Variants in GLB1 observed in about 807,000 individuals in gnomAD.
GLB1 encodes galactosidase beta 1.
A neutral mutation model predicts 74.0 loss-of-function variants in GLB1; 56 were observed. The observed-to-expected ratio is 0.76, with a 90% CI of 0.61 to 0.94. GLB1 has a LOEUF of 0.94. Ranked by LOEUF, GLB1 falls within the 40% of genes least tolerant of loss-of-function variation. GLB1 has a pLI of 0.00. For missense variants in GLB1, 787 were observed against 845.5 expected (o/e 0.93, Z 0.86); for synonymous variants, 323 against 323.6 (o/e 1.00, Z 0.02).
intron 10 of GLB1, chr3:33,033,954 G>T: frequency 1.8e-6 from 1 of 554,446 alleles, no homozygotes; most frequent in Non-Finnish European, 3.6e-6. Context: ...CTGGCAACCT[G>T]CTCATCAGAA....
intron 9 of GLB1, among the ~76,000 whole-genome samples, chr3:33,047,657 A>G (rs1698796479): frequency 6.6e-6 from 1 of 152,212 alleles, no homozygotes; most frequent in South Asian, 2.1e-4. Context: ...GATTAGTAAT[A>G]AATTCCTTGG....
At chr3:33,007,082 C>T (rs1209577920) in intron 15 of GLB1, among the ~76,000 whole-genome samples, 1 of 152,170 alleles carries the variant, frequency 6.6e-6, no homozygotes, top group African/African-American at 2.4e-5. Flanking sequence ...GGACTGTCCC[C>T]AGCAGCAGGG....
rs987707141 is a variant in GLB1, at chr3:33,097,020, G to A, written c.66C>T (p.Arg22=). The A allele has an allele frequency of 3.7e-6, 6 of 1,612,116 alleles. No individual in the cohort carries two copies. The highest frequency in any genetic ancestry group is 5.1e-6 in the Non-Finnish European group (6 of 1,178,964). Residue 22 remains arginine, a synonymous_variant, in exon 1 of 16, where the codon CGC becomes CGT. Coordinates refer to ENST00000307363, the MANE Select transcript of GLB1 (RefSeq NM_000404.4). ...LLVLLLLGPT[R]GLRNATQRMF... is the part of the protein sequence containing the mutation. ...GGTCCCGCAGACTTACGCGCAAGCC[G>A]CGCGTAGGGCCCAGAAGCAGCAGAA...
At chr3:33,025,261 T>A (rs919237821) in intron 10 of GLB1, among the ~76,000 whole-genome samples, 4 of 152,236 alleles carry the variant, frequency 2.6e-5, no homozygotes, top group South Asian at 2.1e-4. Context: ...CCTCTTTTTT[T>A]AAACTACTTT....
intron 1 of GLB1, chr3:33,077,346 G>A: frequency 2.0e-6 from 3 of 1,487,626 alleles, no homozygotes; most frequent in Non-Finnish European, 1.8e-6. Context: ...AAAGCCTGTT[G>A]TGAACGATAG....
At chr3:33,030,875 T>C in intron 10 of GLB1, 1 of 953,078 alleles carries the variant, frequency 1.0e-6, no homozygotes, top group Non-Finnish European at 1.2e-6. Flanking sequence ...CATACAAAAA[T>C]AAACTCACCA....
chr3:33,033,695 C>T (rs1407662079), intron 10 of GLB1, among the ~76,000 whole-genome samples: 1 of 150,778 alleles, frequency 6.6e-6, no homozygotes, highest in Non-Finnish European at 1.5e-5. Context: ...GCAGGAGAAT[C>T]GCTTGAACCT....
At chr3:33,059,119 A>C (rs1699340347) in intron 5 of GLB1, among the ~76,000 whole-genome samples, 1 of 152,232 alleles carries the variant, frequency 6.6e-6, no homozygotes, top group Non-Finnish European at 1.5e-5. Flanking sequence ...GCAACATGGC[A>C]ATAGTGCTGA....
rs570806405 is a variant in GLB1 at position 33,051,681 on chromosome 3, T to C, written c.955+77A>G. On this transcript the variant is annotated intron_variant, in intron 9 of 15. Coordinates refer to ENST00000307363, the MANE Select transcript of GLB1 (RefSeq NM_000404.4). ...ACAAAAAAAGGAAAATAAAATTGTC[T>C]GTGGGCACACCCCTCCTCAAATTAA... 5.6e-6 allele frequency: 9 copies of C among 1,603,364 alleles called. No homozygotes were observed. In the African/African-American group the frequency reaches 9.4e-5, roughly 17 times the overall value.
At chr3:33,017,165 C>T (rs531742455) in intron 13 of GLB1, among the ~76,000 whole-genome samples, 8 of 152,254 alleles carry the variant, frequency 5.3e-5, no homozygotes, top group South Asian at 4.2e-4. Context: ...GTAGCTGCTT[C>T]GTGTTCTGAC....
the GLB1 span, among the ~76,000 whole-genome samples, chr3:32,981,787 A>G: frequency 1.3e-5 from 2 of 151,278 alleles, no homozygotes; most frequent in Non-Finnish European, 3.0e-5. Flanking sequence ...AAAAAAAAGA[A>G]AAGATATTTT....
intron 15 of GLB1, among the ~76,000 whole-genome samples, chr3:33,003,893 G>A (rs189592405): frequency 2.5e-4 from 38 of 152,164 alleles, no homozygotes; most frequent in African/African-American, 8.2e-4. Flanking sequence ...AGCCAGGTAT[G>A]GTGGTGTGCA....
At chr3:33,010,184 G>T (rs1696965353) in intron 15 of GLB1, among the ~76,000 whole-genome samples, 1 of 152,292 alleles carries the variant, frequency 6.6e-6, no homozygotes, top group African/African-American at 2.4e-5. Context: ...GCTCCCAAAT[G>T]TACCTTCTTA....
Position 33,068,254 on chromosome 3 carries a change from T to C in GLB1, c.433A>G (p.Ile145Val), listed in dbSNP as rs1394794213. The change falls in exon 4 of 16, where the codon ATT (isoleucine) becomes GTT (valine). Residue 145 changes from isoleucine to valine, a missense_variant. Physicochemically the swap from Ile to Val is conservative, Grantham distance 29 (BLOSUM62 3). Coordinates refer to ENST00000307363, the MANE Select transcript of GLB1 (RefSeq NM_000404.4). ...CCTGGGTCGGAGGAGCGGAGAAGAA[T>C]AGACTCTTTCTCTAGCAGCCAAGCA... ...LPAWLLEKES[I>V]LLRSSDPDYL... 1.2e-6 allele frequency: 2 copies of C among 1,614,020 alleles called. No individual in the cohort carries two copies. Among genetic ancestry groups the C allele is most frequent in the Non-Finnish European group, 1.7e-6 (2 of 1,179,934 alleles).
intron 1 of GLB1, among the ~76,000 whole-genome samples, chr3:33,076,344 G>A (rs1339898934): frequency 1.3e-5 from 2 of 152,236 alleles, no homozygotes; most frequent in Non-Finnish European, 2.9e-5. Flanking sequence ...GGCAGAGGAG[G>A]AGGCCAGGGC....
intron 10 of GLB1, among the ~76,000 whole-genome samples, chr3:33,027,602 G>T (rs574326356): frequency 6.6e-6 from 1 of 152,228 alleles, no homozygotes; most frequent in South Asian, 2.1e-4. Flanking sequence ...GGCCAACGTG[G>T]TGAAACCCCA....
At chr3:33,057,614 C>A (rs549999508) in intron 6 of GLB1, among the ~76,000 whole-genome samples, 2 of 152,202 alleles carry the variant, frequency 1.3e-5, no homozygotes, top group African/African-American at 2.4e-5. Flanking sequence ...TGCAGAAAGA[C>A]AACAAAGCAT....
chr3:33,042,635 T>G (rs146374009), intron 10 of GLB1, among the ~76,000 whole-genome samples: 2,473 of 152,208 alleles, frequency 0.016, 70 homozygotes, highest in East Asian at 0.073. Flanking sequence ...CCAAAGCGCT[T>G]GGATTACAGG....
intron 15 of GLB1, among the ~76,000 whole-genome samples, chr3:33,001,121 TTC>T (rs1696544265): frequency 6.7e-6 from 1 of 149,424 alleles, no homozygotes; most frequent in East Asian, 1.9e-4. Context: ...TGTTCTTTCC[TTC>T]TCTTTCTTCT....
Sources: allele counts gnomAD v4.1 joint callset (sites outside exome capture counted in the v4.1 genomes callset), GRCh38; gene constraint gnomAD v4.1.1; transcripts MANE v1.5; gene names NCBI Gene and HGNC (gene_info 2026-07-23, HGNC 2026-07-21).